DLGAP2: variants seen among roughly 807,000 people sequenced by gnomAD.
DLGAP2 encodes the protein DLG associated protein 2.
A neutral mutation model predicts 100.3 loss-of-function variants in DLGAP2; 26 were observed. The observed-to-expected ratio is 0.26, with a 90% CI of 0.19 to 0.36. DLGAP2 has a LOEUF of 0.36. DLGAP2 is among the 10% of genes least tolerant of loss of function. The pLI, the probability that DLGAP2 is intolerant of heterozygous loss-of-function variation, is 1.00. For missense variants in DLGAP2, 1,858 were observed against 1,453.2 expected, an observed-to-expected ratio of 1.28 and a Z score of -4.53; for synonymous variants, 886 against 630.1, an observed-to-expected ratio of 1.41 and a Z score of -6.08.
At chr8:820,164 T>C (rs772043211) in intron 1 of DLGAP2, among the ~76,000 whole-genome samples, 2 of 152,260 alleles carry the variant, frequency 1.3e-5, no homozygotes. Context: ...TGGTTATCCA[T>C]TGGAGAAAAA....
chr8:802,244 C>CA, intron 1 of DLGAP2, among the ~76,000 whole-genome samples: 1 of 151,364 alleles, frequency 6.6e-6, no homozygotes, highest in African/African-American at 2.4e-5. Context: ...ATGGTCTGCA[C>CA]TCCTCCTGGG....
intron 4 of DLGAP2, among the ~76,000 whole-genome samples, chr8:1,505,304 G>A (rs1314920224): frequency 3.3e-5 from 5 of 152,174 alleles, no homozygotes; most frequent in African/African-American, 7.2e-5. Context: ...AATGCTGTGG[G>A]ACATTTTACA....
intron 1 of DLGAP2, among the ~76,000 whole-genome samples, chr8:804,971 A>T (rs184157887): frequency 6.6e-6 from 1 of 152,064 alleles, no homozygotes; most frequent in Non-Finnish European, 1.5e-5. Context: ...AGGTCTCCCT[A>T]TGTTGTCCAG....
chr8:1,215,977 C>T (rs78425364), intron 2 of DLGAP2, among the ~76,000 whole-genome samples: 6 of 148,716 alleles, frequency 4.0e-5, no homozygotes, highest in African/African-American at 1.2e-4. Flanking sequence ...CCAGGTACCT[C>T]GATGGGTTCA....
chr8:907,869 G>A (rs939911654), intron 1 of DLGAP2, 43 bp from the exon 2 acceptor site: 18 of 398,480 alleles, frequency 4.5e-5, no homozygotes, highest in Middle Eastern at 6.2e-4. Flanking sequence ...CTTCCTCCAC[G>A]CGAATGATAA....
intron 3 of DLGAP2, among the ~76,000 whole-genome samples, chr8:1,344,809 C>T (rs1352829126): frequency 1.3e-5 from 2 of 152,202 alleles, no homozygotes; most frequent in Non-Finnish European, 2.9e-5. Context: ...GGGCGTGTGT[C>T]TGACTCACAG....
At chr8:787,454 T>TTA (rs1387955449) in intron 1 of DLGAP2, among the ~76,000 whole-genome samples, 1 of 152,220 alleles carries the variant, frequency 6.6e-6, no homozygotes, top group Non-Finnish European at 1.5e-5. Context: ...GAGAGCGCCC[T>TTA]TCTCCACGCC....
At chr8:836,925 C>T (rs542615526) in intron 1 of DLGAP2, among the ~76,000 whole-genome samples, 3 of 152,370 alleles carry the variant, frequency 2.0e-5, no homozygotes, top group East Asian at 3.9e-4. Context: ...CATGCACACA[C>T]CTGCTGCTGT....
chr8:1,007,828 C>T (rs746722923), intron 2 of DLGAP2, among the ~76,000 whole-genome samples: 36 of 152,202 alleles, frequency 2.4e-4, no homozygotes, highest in African/African-American at 8.4e-4. Context: ...TTAATTTGTG[C>T]CCAGTAACAT....
chr8:1,333,406 C>T (rs1276900882), intron 3 of DLGAP2, among the ~76,000 whole-genome samples: 3 of 152,164 alleles, frequency 2.0e-5, no homozygotes, highest in Non-Finnish European at 4.4e-5. Context: ...ATGTCCAGGG[C>T]CGTCTTCATT....
chr8:1,031,727 G>A (rs1054900309), intron 2 of DLGAP2, among the ~76,000 whole-genome samples: 1 of 152,198 alleles, frequency 6.6e-6, no homozygotes, highest in Non-Finnish European at 1.5e-5. Flanking sequence ...TTCAAAAAGA[G>A]CACTGATGCC....
intron 3 of DLGAP2, among the ~76,000 whole-genome samples, chr8:1,361,783 C>T (rs1419254275): frequency 1.3e-5 from 2 of 152,186 alleles, no homozygotes; most frequent in African/African-American, 4.8e-5. Context: ...AGGAGAAAAC[C>T]CTCCAAGAAT....
chr8:1,536,695 A>G (rs1241388509), intron 4 of DLGAP2, among the ~76,000 whole-genome samples: 1 of 152,148 alleles, frequency 6.6e-6, no homozygotes, highest in Non-Finnish European at 1.5e-5. Context: ...CTGAATCTGA[A>G]CCCGCGTTTG....
chr8:822,157 G>C, intron 1 of DLGAP2: 1 of 399,680 alleles, frequency 2.5e-6, no homozygotes, highest in Non-Finnish European at 4.4e-6. Context: ...CTAACCCTCT[G>C]CCTGCGCCCA....
chr8:1,486,906 G>A (rs1466450885), intron 3 of DLGAP2, among the ~76,000 whole-genome samples: 3 of 152,144 alleles, frequency 2.0e-5, no homozygotes, highest in East Asian at 1.9e-4. Context: ...TTGTCTCCAC[G>A]TTCCCAATAC....
At chr8:1,495,206 T>G (rs922348321) in intron 3 of DLGAP2, among the ~76,000 whole-genome samples, 12 of 152,250 alleles carry the variant, frequency 7.9e-5, no homozygotes, top group African/African-American at 2.9e-4. Context: ...CCTGCTCGTG[T>G]GGTGGCCGTG....
chr8:1,686,190 A>C (rs1467546670), intron 12 of DLGAP2, among the ~76,000 whole-genome samples: 2 of 152,226 alleles, frequency 1.3e-5, no homozygotes. Context: ...TCAGTAGAAA[A>C]ATGGATAAAG....
At chr8:1,351,846 G>C (rs796201563) in intron 3 of DLGAP2, among the ~76,000 whole-genome samples, 5 of 61,336 alleles carry the variant, frequency 8.2e-5, no homozygotes, top group African/African-American at 9.2e-5. Flanking sequence ...CGGGTCCTGA[G>C]TGTGCGTGGA....
chr8:1,218,255 AATT>A (rs1798250581), intron 2 of DLGAP2, among the ~76,000 whole-genome samples: 3 of 152,190 alleles, frequency 2.0e-5, no homozygotes, highest in Non-Finnish European at 4.4e-5. Flanking sequence ...ATCTTGAGTT[AATT>A]ATTGTATATG....
Sources: allele counts gnomAD v4.1 joint callset (sites outside exome capture counted in the v4.1 genomes callset), GRCh38; gene constraint gnomAD v4.1.1; transcripts MANE v1.5; gene names NCBI Gene and HGNC (gene_info 2026-07-23, HGNC 2026-07-21).